The following PLPPR5 variants were observed in gnomAD, a reference collection of about 807,000 sequenced individuals.
The protein encoded by PLPPR5 is phospholipid phosphatase-related protein type 5.
PLPPR5 carries 16 observed loss-of-function variants against 33.9 expected under a neutral mutation model. That is an observed-to-expected ratio of 0.47 (90% CI 0.32 to 0.72). PLPPR5 has a LOEUF of 0.72. Among genes scored for constraint, PLPPR5 ranks in the 30% least tolerant of loss-of-function variants. The probability of loss-of-function intolerance (pLI) is 0.03; values close to 1 mark genes in which losing one functional copy is unlikely to be tolerated. For synonymous variants in PLPPR5, 163 were observed against 150.3 expected (o/e 1.08, Z -0.62); for missense variants, 301 against 406.7 (o/e 0.74, Z 2.23).
chr1:98,940,875 G>A (rs931661509), intron 3 of PLPPR5, among the ~76,000 whole-genome samples: 1 of 151,842 alleles, frequency 6.6e-6, no homozygotes, highest in African/African-American at 2.4e-5. Context: ...AGAGATTTCA[G>A]GCTTGGGTAA....
chr1:98,930,799 CT>C (rs1411478140), intron 3 of PLPPR5, among the ~76,000 whole-genome samples: 1 of 152,098 alleles, frequency 6.6e-6, no homozygotes, highest in African/African-American at 2.4e-5. Flanking sequence ...TTCTTTCCCC[CT>C]CTCAAGGCTT....
chr1:98,971,314 A>T (rs1356475465), intron 1 of PLPPR5, among the ~76,000 whole-genome samples: 1 of 152,054 alleles, frequency 6.6e-6, no homozygotes, highest in African/African-American at 2.4e-5. Flanking sequence ...AGCAATAATG[A>T]TTATATATTT....
intron 1 of PLPPR5, among the ~76,000 whole-genome samples, chr1:98,973,981 C>T (rs757060579): frequency 6.6e-6 from 1 of 151,890 alleles, no homozygotes; most frequent in Non-Finnish European, 1.5e-5. Context: ...GTAGAAAGCC[C>T]AGGAAGCGTC....
chr1:98,936,214 T>C (rs1047255417), intron 3 of PLPPR5, among the ~76,000 whole-genome samples: 1 of 152,198 alleles, frequency 6.6e-6, no homozygotes, highest in African/African-American at 2.4e-5. Context: ...AGTACTGGCA[T>C]AAATAATAGA....
At chr1:98,942,058 TAG>T (rs1378109604) in intron 3 of PLPPR5, among the ~76,000 whole-genome samples, 10 of 119,846 alleles carry the variant, frequency 8.3e-5, no homozygotes, top group South Asian at 2.8e-4. Context: ...ATATGAGAGA[TAG>T]AGAGAGAGAG....
intron 3 of PLPPR5, among the ~76,000 whole-genome samples, chr1:98,947,973 A>G (rs550300327): frequency 1.3e-5 from 2 of 152,210 alleles, no homozygotes; most frequent in Non-Finnish European, 2.9e-5. Flanking sequence ...AGGGAGCTTT[A>G]GAGGAATGGC....
At chr1:98,900,338 A>G (rs943016538) in intron 5 of PLPPR5, among the ~76,000 whole-genome samples, 1 of 152,044 alleles carries the variant, frequency 6.6e-6, no homozygotes, top group South Asian at 2.1e-4. Flanking sequence ...CACTTGGCTC[A>G]TGGTCCTGAA....
intron 1 of PLPPR5, among the ~76,000 whole-genome samples, chr1:98,960,107 T>C (rs11166147): frequency 0.11 from 16,695 of 152,008 alleles, 1,207 homozygotes; most frequent in East Asian, 0.25. Flanking sequence ...GTGATATCCA[T>C]GGAACCCCTC....
At chr1:98,998,715 T>C (rs751263462) in intron 1 of PLPPR5, among the ~76,000 whole-genome samples, 1 of 152,182 alleles carries the variant, frequency 6.6e-6, no homozygotes, top group East Asian at 1.9e-4. Flanking sequence ...GGACTCCAGA[T>C]TGGTCATCTA....
intron 4 of PLPPR5, among the ~76,000 whole-genome samples, chr1:98,920,203 A>T (rs987554481): frequency 7.9e-5 from 12 of 152,050 alleles, no homozygotes; most frequent in African/African-American, 2.9e-4. Context: ...TGGCCTTGTA[A>T]GGTAAGGTGT....
intron 1 of PLPPR5, among the ~76,000 whole-genome samples, chr1:99,003,651 T>C (rs1557700386): frequency 6.6e-6 from 1 of 152,228 alleles, no homozygotes; most frequent in South Asian, 2.1e-4. Flanking sequence ...GGTGTGTGTA[T>C]ACACGTGAGT....
At position 98,976,370 on chromosome 1, in the gene PLPPR5, TAAAA is replaced by T. The variant is rs1570749057; in HGVS notation, c.238-19633_238-19630del. 2.6e-5 allele frequency among the ~76,000 whole-genome samples: 4 copies of T among 152,204 alleles called. No homozygotes were observed. The East Asian group carries it at 7.7e-4, about 29-fold the overall frequency. On this transcript the variant is annotated intron_variant, in intron 1 of 5. Coordinates refer to ENST00000263177, the MANE Select transcript of PLPPR5 (RefSeq NM_001037317.2). ...AAAGTGTTTTTACAAAAAGGTGATG[TAAAA>T]ATCATGTTTGAAACAGGTACTGTAA...
At chr1:98,980,706 G>A (rs1454827419) in intron 1 of PLPPR5, among the ~76,000 whole-genome samples, 2 of 152,034 alleles carry the variant, frequency 1.3e-5, no homozygotes, top group Admixed American at 6.6e-5. Flanking sequence ...AATTTATAGT[G>A]AGAAGATTGA....
intron 1 of PLPPR5, among the ~76,000 whole-genome samples, chr1:98,999,186 C>T (rs575192028): frequency 2.6e-5 from 4 of 152,280 alleles, no homozygotes; most frequent in African/African-American, 9.6e-5. Flanking sequence ...TTGCTAGGTG[C>T]TTTAAAGAGG....
chr1:98,912,425 A>G (rs1649187357), intron 5 of PLPPR5, among the ~76,000 whole-genome samples: 1 of 152,188 alleles, frequency 6.6e-6, no homozygotes, highest in Admixed American at 6.5e-5. Context: ...AGGGACCCAG[A>G]CTACAGGATA....
Position 99,004,714 on chromosome 1 carries a change from C to T in PLPPR5, c.-43G>A, listed in dbSNP as rs758783181. 2 of 1,361,460 alleles carry T rather than the reference C, an allele frequency of 1.5e-6. No homozygotes were observed. The highest frequency in any genetic ancestry group is 2.6e-5 in the Admixed American group (1 of 38,866). The allele number at this position is 1,361,460 out of a possible 1,614,324, so 84.3% of individuals were successfully genotyped here. On this transcript the variant is annotated 5_prime_UTR_variant, in exon 1 of 6. Transcript: ENST00000263177. ...GGCCGAGCCGAGCCGAGCGGGCGGT[C>T]GACGCGGTGGGCCCCCTCCCCGGTC...
Position 98,956,683 on chromosome 1 carries a change from T to C in PLPPR5, c.296A>G (p.Asn99Ser), listed in dbSNP as rs1385457332. 2.5e-6 allele frequency: 4 copies of C among 1,600,750 alleles called. No individual in the cohort carries two copies. Among genetic ancestry groups the C allele is most frequent in the Middle Eastern group, 3.3e-4 (2 of 6,032 alleles). Reference sequence around the variant, plus strand: ...TCCAGTTAAAATAGTTTTTTCCTGGTTTTCAAAATCCCTTGTGGCTAGTTG... The same window carrying C: ...TCCAGTTAAAATAGTTTTTTCCTGGCTTTCAAAATCCCTTGTGGCTAGTTG... ...CLQLATRDFE[N>S]QEKTILTGDC... Residue 99 changes from asparagine (N) to serine (S), a missense_variant, in exon 2 of 6, where the codon AAC (asparagine) becomes AGC (serine). Transcript: ENST00000263177.
intron 1 of PLPPR5, among the ~76,000 whole-genome samples, chr1:98,957,954 C>T (rs898485038): frequency 2.6e-5 from 4 of 152,086 alleles, no homozygotes; most frequent in East Asian, 1.9e-4. Flanking sequence ...TAAGGTATTA[C>T]AGGAAGTATT....
chr1:98,983,791 GA>G (rs1652145246), intron 1 of PLPPR5, among the ~76,000 whole-genome samples: 1 of 152,102 alleles, frequency 6.6e-6, no homozygotes, highest in Admixed American at 6.6e-5. Context: ...TAACTGGTGT[GA>G]GATGGGATAA....
Sources: allele counts gnomAD v4.1 joint callset (sites outside exome capture counted in the v4.1 genomes callset), GRCh38; gene constraint gnomAD v4.1.1; transcripts MANE v1.5; gene names NCBI Gene and HGNC (gene_info 2026-07-23, HGNC 2026-07-21).